Variants in ZFHX3 observed in about 807,000 individuals in gnomAD.
The protein encoded by ZFHX3 is zinc finger homeobox 3, also known as zinc finger homeobox protein 3.
In ZFHX3, 42 loss-of-function variants were observed where a neutral mutation model predicts 279.1. That is an observed-to-expected ratio of 0.15 (90% CI 0.12 to 0.19). The LOEUF is 0.19. ZFHX3 is among the 10% of genes least tolerant of loss of function. ZFHX3 has a pLI of 1.00. For synonymous variants in ZFHX3, 2,293 were observed against 1,957.8 expected (o/e 1.17, Z -4.52); for missense variants, 4,981 against 4,754.0 (o/e 1.05, Z -1.40).
chr16:73,725,575 A>G (rs1389105238), intron 1 of ZFHX3, among the ~76,000 whole-genome samples: 1 of 149,760 alleles, frequency 6.7e-6, no homozygotes, highest in African/African-American at 2.4e-5. Context: ...GTGTAGGCTG[A>G]GGGAGGAATC....
At chr16:73,223,404 C>A (rs569923094) in intron 5 of ZFHX3, among the ~76,000 whole-genome samples, 2 of 152,002 alleles carry the variant, frequency 1.3e-5, no homozygotes, top group African/African-American at 4.8e-5. Flanking sequence ...AGAAAACGGG[C>A]TAAAGACCTT....
intron 5 of ZFHX3, among the ~76,000 whole-genome samples, chr16:72,819,444 G>A (rs1301525847): frequency 1.3e-5 from 2 of 152,184 alleles, no homozygotes; most frequent in Admixed American, 1.3e-4. Flanking sequence ...AGACTCCCGG[G>A]CAGGGCTCAT....
At chr16:73,295,234 A>G (rs2014881262) in intron 4 of ZFHX3, among the ~76,000 whole-genome samples, 1 of 151,834 alleles carries the variant, frequency 6.6e-6, no homozygotes. Context: ...AAACAAACAA[A>G]CATCCACAGC....
chr16:73,035,154 C>CA (rs1047548883), intron 1 of ZFHX3, among the ~76,000 whole-genome samples: 1 of 144,790 alleles, frequency 6.9e-6, no homozygotes, highest in East Asian at 2.2e-4. Flanking sequence ...AGATTTGGTA[C>CA]AAAAAAAAGG....
chr16:72,995,509 G>A (rs1037141482), intron 1 of ZFHX3, among the ~76,000 whole-genome samples: 5 of 152,164 alleles, frequency 3.3e-5, no homozygotes, highest in Admixed American at 3.3e-4. Flanking sequence ...CACCTTCTTT[G>A]TCCCTCCGAT....
chr16:72,824,882 A>G (rs886240326), intron 5 of ZFHX3, among the ~76,000 whole-genome samples: 1 of 152,258 alleles, frequency 6.6e-6, no homozygotes, highest in Non-Finnish European at 1.5e-5. Flanking sequence ...AACAAGGGTC[A>G]TTTTCATGTT....
At chr16:73,294,237 A>G (rs2014847805) in intron 4 of ZFHX3, 1 of 152,214 alleles carries the variant, frequency 6.6e-6, no homozygotes, top group African/African-American at 2.4e-5. Flanking sequence ...AGGAGGTCCC[A>G]TTCCTGGAAG....
intron 4 of ZFHX3, among the ~76,000 whole-genome samples, chr16:73,302,570 A>G (rs1359945427): frequency 6.6e-6 from 1 of 152,246 alleles, no homozygotes; most frequent in African/African-American, 2.4e-5. Flanking sequence ...ATACCCTAAC[A>G]GGTTTATGAA....
At chr16:73,473,356 AAC>A (rs869174268) in intron 2 of ZFHX3, among the ~76,000 whole-genome samples, 14 of 51,002 alleles carry the variant, frequency 2.7e-4, no homozygotes, top group African/African-American at 9.0e-4. Flanking sequence ...AAAAAAAAAA[AAC>A]AAAAAAAAAA....
At chr16:72,896,247 C>G (rs747743509) in intron 3 of ZFHX3, among the ~76,000 whole-genome samples, 2 of 152,176 alleles carry the variant, frequency 1.3e-5, no homozygotes, top group African/African-American at 2.4e-5. Context: ...GAGACCTTTT[C>G]TTGCACCTCT....
intron 3 of ZFHX3, among the ~76,000 whole-genome samples, chr16:73,356,868 A>C (rs2016350113): frequency 6.8e-6 from 1 of 146,220 alleles, no homozygotes; most frequent in African/African-American, 2.6e-5. Flanking sequence ...TGGCCATGGG[A>C]GTACACTAGG....
At chr16:72,947,328 CAAT>C (rs1960733427) in intron 3 of ZFHX3, among the ~76,000 whole-genome samples, 1 of 152,220 alleles carries the variant, frequency 6.6e-6, no homozygotes, top group Non-Finnish European at 1.5e-5. Flanking sequence ...GCAACGAAGA[CAAT>C]ATCATCAGGT....
chr16:73,285,425 G>A (rs1387712345), intron 4 of ZFHX3, among the ~76,000 whole-genome samples: 1 of 152,202 alleles, frequency 6.6e-6, no homozygotes, highest in Non-Finnish European at 1.5e-5. Flanking sequence ...TCCAAAGGGT[G>A]TCGTCAGCTG....
intron 2 of ZFHX3, among the ~76,000 whole-genome samples, chr16:73,582,238 T>C (rs1597010971): frequency 6.6e-6 from 1 of 151,362 alleles, no homozygotes; most frequent in African/African-American, 2.4e-5. Context: ...CCTAAAGGAG[T>C]TCTGGAGAAG....
chr16:73,436,147 C>T (rs775897407), intron 3 of ZFHX3, among the ~76,000 whole-genome samples: 3 of 152,254 alleles, frequency 2.0e-5, no homozygotes, highest in Admixed American at 6.5e-5. Flanking sequence ...CTGACCAACA[C>T]GGAGAAACCC....
intron 2 of ZFHX3, among the ~76,000 whole-genome samples, chr16:73,655,047 G>A (rs2052709866): frequency 6.6e-6 from 1 of 151,990 alleles, no homozygotes; most frequent in South Asian, 2.1e-4. Context: ...TTTTAGTAGA[G>A]ACGGGGTTTT....
intron 1 of ZFHX3, among the ~76,000 whole-genome samples, chr16:73,682,914 AAGAG>A (rs201079638): frequency 0.34 from 16,021 of 46,612 alleles, 2,511 homozygotes; most frequent in East Asian, 0.51. Context: ...AAGAGAAAGA[AAGAG>A]AGAAAGAGAA....
chr16:73,613,266 A>T (rs961331411), intron 2 of ZFHX3, among the ~76,000 whole-genome samples: 2 of 152,226 alleles, frequency 1.3e-5, no homozygotes, highest in African/African-American at 2.4e-5. Context: ...CTCATGTGGA[A>T]CATAAATAAT....
intron 5 of ZFHX3, among the ~76,000 whole-genome samples, chr16:73,150,632 C>T (rs1029487337): frequency 1.1e-4 from 17 of 152,128 alleles, no homozygotes; most frequent in African/African-American, 2.2e-4. Context: ...AACATTTACA[C>T]GTCTTCATCT....
Sources: allele counts gnomAD v4.1 joint callset (sites outside exome capture counted in the v4.1 genomes callset), GRCh38; gene constraint gnomAD v4.1.1; transcripts MANE v1.5; gene names NCBI Gene and HGNC (gene_info 2026-07-23, HGNC 2026-07-21).